The following CSNK1A1 variants were observed in gnomAD, a reference collection of about 807,000 sequenced individuals.
CSNK1A1 encodes the protein casein kinase I isoform alpha.
CSNK1A1 carries 7 observed loss-of-function variants against 46.1 expected under a neutral mutation model. The ratio of observed to expected loss-of-function variants is 0.15; its 90% CI spans 0.09 to 0.29. CSNK1A1 has a LOEUF of 0.29. Among genes scored for constraint, CSNK1A1 ranks in the 10% least tolerant of loss-of-function variants. The pLI is 1.00. For missense variants in CSNK1A1, 96 were observed against 417.1 expected, an observed-to-expected ratio of 0.23 and a Z score of 6.71; for synonymous variants, 137 against 141.5, an observed-to-expected ratio of 0.97 and a Z score of 0.23.
At chr5:149,536,887 T>C (rs532670170) in intron 2 of CSNK1A1, among the ~76,000 whole-genome samples, 57 of 152,192 alleles carry the variant, frequency 3.7e-4, no homozygotes, top group Non-Finnish European at 6.5e-4. Context: ...GCCAGAAACA[T>C]AGGTTCTAGT....
rs1353712535 is a variant in CSNK1A1, at chr5:149,542,656, A to ATG, written c.230+7418_230+7419insCA. 1.7e-3 allele frequency among the ~76,000 whole-genome samples: 11 copies of ATG among 6,498 alleles called. 1 individual carries two copies. In the East Asian group the frequency reaches 0.017, roughly 10 times the overall value. 4.3% of individuals were successfully genotyped at this position (6,498 alleles called of 152,430 possible). A position where few individuals can be genotyped will look rare whatever the true frequency, so the allele number is the denominator to read the frequency against. On this transcript the variant is annotated intron_variant, in intron 2 of 9. Coordinates refer to ENST00000377843, the MANE Select transcript of CSNK1A1 (RefSeq NM_001892.6). ...TATATATATGTATATATATATATAT[A>ATG]TATATATATATATATGTATATATAT...
At chr5:149,508,271 A>G (rs759713539) in intron 7 of CSNK1A1, among the ~76,000 whole-genome samples, 6 of 152,216 alleles carry the variant, frequency 3.9e-5, no homozygotes, top group Non-Finnish European at 8.8e-5. Context: ...AAACATATAC[A>G]TATGTTAAAA....
chr5:149,542,502 CA>C (rs1762266418), intron 2 of CSNK1A1, among the ~76,000 whole-genome samples: 1 of 136,472 alleles, frequency 7.3e-6, no homozygotes, highest in Non-Finnish European at 1.6e-5. Flanking sequence ...TCCCTGGTGC[CA>C]AAAAGGCTGG....
At position 149,550,719 on chromosome 5, in the gene CSNK1A1, C is replaced by A. The variant is rs1762631313; in HGVS notation, c.123+123G>T. The A allele has an allele frequency of 7.3e-7, 1 of 1,374,716 alleles. No individual in the cohort carries two copies. Among genetic ancestry groups the A allele is most frequent in the South Asian group, 1.3e-5 (1 of 74,278 alleles). 85.2% of individuals were successfully genotyped at this position (1,374,716 alleles called of 1,614,324 possible). On this transcript the variant is annotated intron_variant, in intron 1 of 9. Transcript: ENST00000377843. The surrounding 1 kb of genome is among the most constrained non-coding windows in gnomAD (Gnocchi z 4.3). ...GGTTCGTAAGCCAGGAAAACTAGCT[C>A]CCTGGACTCCCTGGCGAGTGCGTGC...
intron 9 of CSNK1A1, chr5:149,503,327 G>T: frequency 1.0e-6 from 1 of 985,382 alleles, no homozygotes; most frequent in African/African-American, 1.7e-5. Flanking sequence ...TGTAAGATTT[G>T]TCTTGAGCAC....
chr5:149,547,961 C>G (rs1762532142), intron 2 of CSNK1A1, among the ~76,000 whole-genome samples: 1 of 151,998 alleles, frequency 6.6e-6, no homozygotes, highest in Non-Finnish European at 1.5e-5. Context: ...ACCTCCGACT[C>G]CCGGGTTCAA....
At chr5:149,538,014 GTTTTTTTTTTTT>G (rs890909710) in intron 2 of CSNK1A1, among the ~76,000 whole-genome samples, 6 of 85,728 alleles carry the variant, frequency 7.0e-5, no homozygotes, top group South Asian at 4.0e-4. Context: ...AGTGTGCCCA[GTTTTTTTTTTTT>G]TTTTTTTTTT....
intron 2 of CSNK1A1, chr5:149,529,785 T>C (rs1473056895): frequency 2.2e-6 from 1 of 455,900 alleles, no homozygotes; most frequent in Non-Finnish European, 4.4e-6. Flanking sequence ...TCAGTAATTA[T>C]TAGCCTTGGC....
At chr5:149,515,472 G>T (rs560552271) in intron 4 of CSNK1A1, among the ~76,000 whole-genome samples, 1 of 152,104 alleles carries the variant, frequency 6.6e-6, no homozygotes, top group Non-Finnish European at 1.5e-5. Flanking sequence ...ATGTAAACAC[G>T]ATCTTCTTAA....
At chr5:149,513,927 A>G (rs1362119344) in intron 4 of CSNK1A1, among the ~76,000 whole-genome samples, 1 of 151,820 alleles carries the variant, frequency 6.6e-6, no homozygotes, top group African/African-American at 2.4e-5. Flanking sequence ...CCAGATATAA[A>G]CTATCTGAAC....
At chr5:149,521,585 C>A (rs1761573381) in intron 3 of CSNK1A1, among the ~76,000 whole-genome samples, 1 of 151,706 alleles carries the variant, frequency 6.6e-6, no homozygotes, top group Non-Finnish European at 1.5e-5. Flanking sequence ...CCATGCCCGG[C>A]CTCGATTTAG....
chr5:149,548,813 A>C (rs564410864), intron 2 of CSNK1A1, among the ~76,000 whole-genome samples: 1 of 152,340 alleles, frequency 6.6e-6, no homozygotes, highest in Non-Finnish European at 1.5e-5. Flanking sequence ...CGTGCCATTC[A>C]TTGCACTCCA....
At chr5:149,520,441 A>G (rs1179879384) in intron 3 of CSNK1A1, 53 bp from the exon 4 acceptor site, 1 of 1,017,822 alleles carries the variant, frequency 9.8e-7, no homozygotes, top group Non-Finnish European at 1.5e-6. Context: ...ATGAAAATCA[A>G]CACATTTCTT....
chr5:149,505,509 T>C lies in CSNK1A1; in HGVS notation c.944A>G (p.Gln315Arg). 6.2e-7 allele frequency: 1 copy of C among 1,614,196 alleles called. No individual in the cohort carries two copies. Among genetic ancestry groups the C allele is most frequent in the Non-Finnish European group, 8.5e-7 (1 of 1,180,028 alleles). Residue 315 changes from glutamine (Q) to arginine (R), a missense_variant, in exon 9 of 10, where the codon CAG becomes CGG. Physicochemically the swap from Gln to Arg is conservative, Grantham distance 43. Coordinates refer to ENST00000377843, the MANE Select transcript of CSNK1A1 (RefSeq NM_001892.6). ...AAQQAASSSG[Q>R]GQQAQTPTGK... is the part of the protein sequence containing the mutation. ...TGTGGGGGTTTGGGCCTGCTGACCCTGCCCACTGGAAGAGGCTGCCTGCTG... is the reference window on the plus strand; with the variant it reads ...TGTGGGGGTTTGGGCCTGCTGACCCCGCCCACTGGAAGAGGCTGCCTGCTG...
At chr5:149,534,538 G>A (rs142269900) in intron 2 of CSNK1A1, among the ~76,000 whole-genome samples, 220 of 150,308 alleles carry the variant, frequency 1.5e-3, no homozygotes, top group African/African-American at 5.1e-3. Context: ...TAGCACCTGG[G>A]CTAAATTTTG....
At chr5:149,527,567 G>C (rs186654821) in intron 2 of CSNK1A1, among the ~76,000 whole-genome samples, 1 of 152,306 alleles carries the variant, frequency 6.6e-6, no homozygotes, top group East Asian at 1.9e-4. Context: ...AGCTCACAGT[G>C]ATGCTTTGGG....
In CSNK1A1 at chr5:149,549,934, T is replaced by G. The variant is rs553354420; in HGVS notation, c.230+141A>C. The G allele has an allele frequency of 1.4e-4, 126 of 902,932 alleles. No individual in the cohort carries two copies. In the South Asian group the frequency reaches 2.2e-3, roughly 15 times the overall value. 55.9% of individuals were successfully genotyped at this position (902,932 alleles called of 1,614,324 possible). A position where few individuals can be genotyped will look rare whatever the true frequency, so the allele number is the denominator to read the frequency against. On this transcript the variant is annotated intron_variant, in intron 2 of 9. Coordinates refer to ENST00000377843, the MANE Select transcript of CSNK1A1 (RefSeq NM_001892.6). ...TTACTCAGTAATTGAGATGACTGAC[T>G]TACAGGAAACCACCAGCTATAGGGA...
At position 149,550,013 on chromosome 5, in the gene CSNK1A1, T is replaced by C; in HGVS notation, c.230+62A>G. On this transcript the variant is annotated intron_variant, in intron 2 of 9. Transcript: ENST00000377843. The surrounding 1 kb of genome is among the most constrained non-coding windows in gnomAD (Gnocchi z 4.3). ...GATTCAGCTGGTCTCATTACCTGCC[T>C]CTACCCACTTCCCCATTCCGTGCTT... The C allele has an allele frequency of 2.5e-6, 4 of 1,575,380 alleles. No homozygotes were observed. Among genetic ancestry groups the C allele is most frequent in the Non-Finnish European group, 3.5e-6 (4 of 1,156,796 alleles).
At chr5:149,499,535 G>A (rs1355696821) in intron 9 of CSNK1A1, among the ~76,000 whole-genome samples, 3 of 152,034 alleles carry the variant, frequency 2.0e-5, no homozygotes, top group African/African-American at 4.8e-5. Context: ...GCTGAGGCAG[G>A]AAGATCACTT....
Sources: gnomAD v4.1 joint callset for allele counts (sites outside exome capture counted in the v4.1 genomes callset) on GRCh38, gnomAD v4.1.1 for gene constraint, Gnocchi (gnomAD v3.1) non-coding constraint, MANE v1.5 for transcripts, NCBI Gene and HGNC (gene_info 2026-07-23, HGNC 2026-07-21) for gene names.